The following TOM1L2 variants were observed in gnomAD, a reference collection of about 807,000 sequenced individuals.
TOM1L2 encodes TOM1-like protein 2.
Under a neutral mutation model 67.9 loss-of-function variants are expected in TOM1L2, and 31 were observed. The observed-to-expected ratio is 0.46, with a 90% confidence interval of 0.34 to 0.62. The LOEUF is 0.62. TOM1L2 is among the 20% of genes least tolerant of loss of function. The pLI is 0.01. For synonymous variants in TOM1L2, 256 were observed against 254.0 expected, an observed-to-expected ratio of 1.01 and a Z score of -0.07; for missense variants, 606 against 663.5, an observed-to-expected ratio of 0.91 and a Z score of 0.95.
At chr17:17,966,905 G>T (rs2041892289) in intron 1 of TOM1L2, among the ~76,000 whole-genome samples, 2 of 152,208 alleles carry the variant, frequency 1.3e-5, no homozygotes, top group East Asian at 1.9e-4. Flanking sequence ...GAAGCAAAAG[G>T]GCTTTGCAAA....
intron 12 of TOM1L2, among the ~76,000 whole-genome samples, chr17:17,856,086 T>C (rs910178941): frequency 6.6e-6 from 1 of 152,142 alleles, no homozygotes; most frequent in Non-Finnish European, 1.5e-5. Flanking sequence ...AGGCAGTCTG[T>C]GTGGGCAGAG....
intron 12 of TOM1L2, among the ~76,000 whole-genome samples, chr17:17,851,630 G>A (rs1239096811): frequency 2.6e-5 from 4 of 152,196 alleles, no homozygotes; most frequent in Admixed American, 1.3e-4. Context: ...TGATGACAAA[G>A]GGGACTATGG....
At chr17:17,884,843 G>A (rs1035904348) in intron 4 of TOM1L2, 75 bp from the exon 5 acceptor site, 72 of 1,589,788 alleles carry the variant, frequency 4.5e-5, no homozygotes, top group Non-Finnish European at 5.1e-5. Context: ...AGTGGCCCAC[G>A]TCCTCTCCCC....
intron 1 of TOM1L2, among the ~76,000 whole-genome samples, chr17:17,947,781 G>A (rs543627685): frequency 1.9e-4 from 29 of 152,336 alleles, no homozygotes; most frequent in African/African-American, 6.7e-4. Context: ...GGGACTCAAA[G>A]TGAAGTCTGA....
chr17:17,950,414 CT>C (rs1187762903), intron 1 of TOM1L2, among the ~76,000 whole-genome samples: 1 of 152,090 alleles, frequency 6.6e-6, no homozygotes, highest in African/African-American at 2.4e-5. Flanking sequence ...CTGCCTTAGC[CT>C]CCCAAAATGC....
intron 1 of TOM1L2, among the ~76,000 whole-genome samples, chr17:17,917,301 T>G (rs2039665980): frequency 6.6e-6 from 1 of 151,904 alleles, no homozygotes; most frequent in Admixed American, 6.6e-5. Flanking sequence ...ATCACTGCAC[T>G]CCAGCCTGGG....
intron 1 of TOM1L2, among the ~76,000 whole-genome samples, chr17:17,913,335 T>C (rs1010107757): frequency 3.5e-4 from 52 of 150,492 alleles, no homozygotes; most frequent in African/African-American, 1.3e-3. Context: ...TGGACAGAAC[T>C]GGAAACTGGG....
At chr17:17,880,813 C>T (rs112550845) in intron 6 of TOM1L2, among the ~76,000 whole-genome samples, 1 of 152,192 alleles carries the variant, frequency 6.6e-6, no homozygotes, top group Non-Finnish European at 1.5e-5. Context: ...TACACACATA[C>T]GGCCCTTGTT....
intron 3 of TOM1L2, among the ~76,000 whole-genome samples, chr17:17,896,170 G>C (rs763488691): frequency 6.6e-6 from 1 of 152,078 alleles, no homozygotes; most frequent in South Asian, 2.1e-4. Context: ...ATGAACCAGA[G>C]GGGTTCTTTC....
At position 17,971,318 on chromosome 17, in the gene TOM1L2, G is replaced by C. The variant is rs192299536; in HGVS notation, c.52+944C>G. Among the ~76,000 whole-genome samples the C allele has an allele frequency of 3.9e-3, 597 of 152,240 alleles. 6 individuals carry two copies. The highest frequency in any genetic ancestry group is 6.6e-3 in the Non-Finnish European group (450 of 68,012). On this transcript the variant is annotated intron_variant, in intron 1 of 14. Transcript: ENST00000379504. The stretch of plus-strand genomic sequence containing the variant: ...AACTTCAAACCAGAAAGGGCACAAG[G>C]TCATATGGAGTCACTGACAAAACCA...
At position 17,862,788 on chromosome 17, in the gene TOM1L2, T is replaced by C. The variant is rs757014791; in HGVS notation, c.1145A>G (p.Asp382Gly). 1 of 1,614,096 alleles carries C rather than the reference T, an allele frequency of 6.2e-7. No individual in the cohort carries two copies. Among genetic ancestry groups the C allele is most frequent in the East Asian group, 2.2e-5 (1 of 44,878 alleles). ...LSSLQQCNPRDGFDMFAQTRG... is the reference protein window; with the variant it reads ...LSSLQQCNPRGGFDMFAQTRG... ...CGTCTGGGCAAACATGTCAAAGCCG[T>C]CACGGGGATTACATTGCTGGAGTGA... is the stretch of plus-strand genomic sequence containing the variant. Residue 382 changes from aspartate (D) to glycine (G), a missense_variant, in exon 11 of 15, where the codon GAC becomes GGC. Physicochemically the swap from Asp to Gly is moderately conservative, Grantham distance 94 (BLOSUM62 -1). Coordinates refer to ENST00000379504, the MANE Select transcript of TOM1L2 (RefSeq NM_001082968.2).
At chr17:17,869,714 C>G in intron 7 of TOM1L2, 2 of 1,295,662 alleles carry the variant, frequency 1.5e-6, no homozygotes, top group Non-Finnish European at 2.0e-6. Flanking sequence ...TGTATGTATA[C>G]AAGTACATGC....
At chr17:17,912,479 G>A (rs1378326123) in intron 1 of TOM1L2, among the ~76,000 whole-genome samples, 4 of 150,986 alleles carry the variant, frequency 2.6e-5, no homozygotes, top group South Asian at 2.1e-4. Flanking sequence ...CGGGGTGGCC[G>A]GGCAGAGACA....
At chr17:17,915,432 T>A (rs987796442) in intron 1 of TOM1L2, among the ~76,000 whole-genome samples, 2 of 152,204 alleles carry the variant, frequency 1.3e-5, no homozygotes, top group East Asian at 3.8e-4. Flanking sequence ...ACTACTGATG[T>A]TGAGCATTTT....
At chr17:17,937,601 A>T (rs2040560098) in intron 1 of TOM1L2, among the ~76,000 whole-genome samples, 4 of 152,140 alleles carry the variant, frequency 2.6e-5, no homozygotes. Flanking sequence ...GCTTTGCGTC[A>T]CCTGCTGGTA....
chr17:17,924,446 T>C (rs932929311), intron 1 of TOM1L2, among the ~76,000 whole-genome samples: 1 of 152,178 alleles, frequency 6.6e-6, no homozygotes, highest in Non-Finnish European at 1.5e-5. Context: ...GAATTATATC[T>C]CAATAAAGCT....
chr17:17,913,387 T>A (rs981746956), intron 1 of TOM1L2, among the ~76,000 whole-genome samples: 3 of 151,816 alleles, frequency 2.0e-5, no homozygotes, highest in Non-Finnish European at 4.4e-5. Flanking sequence ...GTGAGCTCCA[T>A]GGAGCAGATG....
chr17:17,932,393 G>A (rs1568313719), intron 1 of TOM1L2, among the ~76,000 whole-genome samples: 2 of 152,086 alleles, frequency 1.3e-5, no homozygotes, highest in African/African-American at 2.4e-5. Context: ...GCCTTCCAAA[G>A]TGCTGGGATT....
chr17:17,948,529 G>A (rs1265133318), intron 1 of TOM1L2, among the ~76,000 whole-genome samples: 1 of 152,178 alleles, frequency 6.6e-6, no homozygotes, highest in African/African-American at 2.4e-5. Context: ...GTGCACGTCT[G>A]TAATCCCAGC....
Sources: gnomAD v4.1 joint callset for allele counts (sites outside exome capture counted in the v4.1 genomes callset) on GRCh38, gnomAD v4.1.1 for gene constraint, MANE v1.5 for transcripts, NCBI Gene and HGNC (gene_info 2026-07-23, HGNC 2026-07-21) for gene names.